The following USP13 variants were observed in gnomAD, a reference collection of about 807,000 sequenced individuals.
USP13 encodes the protein ubiquitin carboxyl-terminal hydrolase 13.
Under a neutral mutation model 107.8 loss-of-function variants are expected in USP13, and 68 were observed. That is an observed-to-expected ratio of 0.63 (90% CI 0.52 to 0.77). USP13 has a LOEUF of 0.77. USP13 is among the 30% of genes least tolerant of loss of function. The pLI is 0.00. For synonymous variants in USP13, 377 were observed against 389.5 expected (o/e 0.97, Z 0.38); for missense variants, 945 against 1,093.3 (o/e 0.86, Z 1.91).
intron 3 of USP13, among the ~76,000 whole-genome samples, chr3:179,695,810 T>C (rs1168736136): frequency 6.6e-6 from 1 of 152,186 alleles, no homozygotes; most frequent in East Asian, 1.9e-4. Context: ...TGTCTATACA[T>C]AAGTAATGCT....
At chr3:179,670,821 C>T (rs1053650359) in intron 1 of USP13, among the ~76,000 whole-genome samples, 1 of 152,062 alleles carries the variant, frequency 6.6e-6, no homozygotes, top group Admixed American at 6.5e-5. Context: ...CCTCAGCCTC[C>T]CGAGTAGCTG....
chr3:179,726,845 T>C (rs1489588599), intron 8 of USP13, among the ~76,000 whole-genome samples: 2 of 152,112 alleles, frequency 1.3e-5, no homozygotes, highest in Non-Finnish European at 2.9e-5. Flanking sequence ...ACCCAGCTAA[T>C]TTTTAATTTT....
chr3:179,657,929 TCTC>T (rs1426947459), intron 1 of USP13, among the ~76,000 whole-genome samples: 1 of 151,886 alleles, frequency 6.6e-6, no homozygotes, highest in Non-Finnish European at 1.5e-5. Flanking sequence ...AGCATGGAAA[TCTC>T]CTCTCATCTC....
At chr3:179,719,797 C>T in intron 6 of USP13, 143 bp from the exon 7 acceptor site, 3 of 510,598 alleles carry the variant, frequency 5.9e-6, no homozygotes, top group Non-Finnish European at 6.8e-6. Flanking sequence ...ATTCGTCTTT[C>T]CTCTTGTTGA....
chr3:179,672,973 G>A (rs991323675), intron 1 of USP13, among the ~76,000 whole-genome samples: 1 of 152,170 alleles, frequency 6.6e-6, no homozygotes, highest in African/African-American at 2.4e-5. Context: ...GATCCAAGGT[G>A]GGACGGTGGT....
chr3:179,767,688 C>A (rs549051076), intron 19 of USP13, among the ~76,000 whole-genome samples: 1 of 152,264 alleles, frequency 6.6e-6, no homozygotes, highest in African/African-American at 2.4e-5. Flanking sequence ...TTGCCCAGGG[C>A]AGAGGCCATT....
chr3:179,777,276 T>C (rs1163336493), intron 19 of USP13, among the ~76,000 whole-genome samples: 2 of 152,110 alleles, frequency 1.3e-5, no homozygotes, highest in Non-Finnish European at 2.9e-5. Flanking sequence ...GTCTGTTTTG[T>C]CAACCCATTG....
At chr3:179,782,621 T>C (rs1446789803) in intron 20 of USP13, among the ~76,000 whole-genome samples, 1 of 152,116 alleles carries the variant, frequency 6.6e-6, no homozygotes, top group Non-Finnish European at 1.5e-5. Context: ...TGCCTGAGGG[T>C]GGCCTCTTGC....
chr3:179,751,578 A>T (rs569048063), intron 13 of USP13, among the ~76,000 whole-genome samples: 88 of 152,350 alleles, frequency 5.8e-4, no homozygotes, highest in Non-Finnish European at 1.0e-3. Context: ...ATACATGTAT[A>T]CCAAGCATGC....
intron 19 of USP13, among the ~76,000 whole-genome samples, chr3:179,772,563 C>T (rs1160180084): frequency 1.3e-5 from 2 of 152,152 alleles, no homozygotes; most frequent in African/African-American, 2.4e-5. Context: ...AGGTACAGCT[C>T]CCCAGGGAAG....
At chr3:179,756,763 A>G (rs1400513852) in intron 15 of USP13, among the ~76,000 whole-genome samples, 1 of 152,182 alleles carries the variant, frequency 6.6e-6, no homozygotes, top group Non-Finnish European at 1.5e-5. Context: ...TGTCTCCAAA[A>G]AAAAGTTTTT....
intron 14 of USP13, among the ~76,000 whole-genome samples, chr3:179,754,071 CAA>C (rs2108526554): frequency 6.6e-6 from 1 of 152,098 alleles, no homozygotes; most frequent in South Asian, 2.1e-4. Context: ...GTTGCAAACT[CAA>C]ATGCCTAACA....
In USP13 at chr3:179,721,877, C is replaced by A. The variant is rs1713334303; in HGVS notation, c.1088+288C>A. 6.6e-6 allele frequency among the ~76,000 whole-genome samples: 1 copy of A among 151,964 alleles called. No individual in the cohort carries two copies. The highest frequency in any genetic ancestry group is 1.5e-5 in the Non-Finnish European group (1 of 68,010). On this transcript the variant is annotated intron_variant, in intron 8 of 20. Coordinates refer to ENST00000263966, the MANE Select transcript of USP13 (RefSeq NM_003940.3). This position sits in a 1 kb window ranked among gnomAD's most constrained non-coding sequence, Gnocchi z 4.3. ...ACGAGGTCAGGAGTTCAAGACCAGC[C>A]TGACCAACATGACGAAACCCGTCTC...
intron 10 of USP13, among the ~76,000 whole-genome samples, chr3:179,731,999 G>A (rs546505963): frequency 6.6e-6 from 1 of 152,296 alleles, no homozygotes. Context: ...CAAGAGAAGG[G>A]AGATTGTGGA....
chr3:179,757,822 C>T (rs1714858146), intron 16 of USP13, among the ~76,000 whole-genome samples: 3 of 152,016 alleles, frequency 2.0e-5, no homozygotes, highest in Admixed American at 1.3e-4. Flanking sequence ...TATGTTTTGC[C>T]GATTGTTAGA....
At chr3:179,764,323 C>T (rs1325583936) in intron 18 of USP13, among the ~76,000 whole-genome samples, 155 bp downstream of exon 18, 1 of 151,972 alleles carries the variant, frequency 6.6e-6, no homozygotes, top group African/African-American at 2.4e-5. Flanking sequence ...GATTTATTTG[C>T]ATATTATAAA....
intron 10 of USP13, among the ~76,000 whole-genome samples, chr3:179,737,618 C>T (rs905485658): frequency 7.9e-5 from 12 of 152,114 alleles, no homozygotes; most frequent in African/African-American, 1.9e-4. Context: ...AAATTAATTG[C>T]GCTTTGGCTA....
chr3:179,726,849 T>A (rs1273646572), intron 8 of USP13, among the ~76,000 whole-genome samples: 1 of 152,112 alleles, frequency 6.6e-6, no homozygotes, highest in Non-Finnish European at 1.5e-5. Context: ...AGCTAATTTT[T>A]AATTTTTTTT....
chr3:179,681,279 C>G (rs1468834113), intron 1 of USP13, among the ~76,000 whole-genome samples: 1 of 152,022 alleles, frequency 6.6e-6, no homozygotes, highest in South Asian at 2.1e-4. Flanking sequence ...ATTAAAGAGT[C>G]CTTTATTAGC....
Sources: allele counts gnomAD v4.1 joint callset (sites outside exome capture counted in the v4.1 genomes callset), GRCh38; gene constraint gnomAD v4.1.1; non-coding constraint Gnocchi (gnomAD v3.1); transcripts MANE v1.5; gene names NCBI Gene and HGNC (gene_info 2026-07-23, HGNC 2026-07-21).